The following ATAD2B variants were observed in gnomAD, a reference collection of about 807,000 sequenced individuals.
ATAD2B encodes ATPase family AAA domain-containing protein 2B.
ATAD2B carries 40 observed loss-of-function variants against 167.6 expected under a neutral mutation model. The ratio of observed to expected loss-of-function variants is 0.24; its 90% CI spans 0.19 to 0.31. The LOEUF is 0.31. Among genes scored for constraint, ATAD2B ranks in the 10% least tolerant of loss-of-function variants. The pLI is 1.00. For missense variants in ATAD2B, 1,242 were observed against 1,757.2 expected, an observed-to-expected ratio of 0.71 and a Z score of 5.24; for synonymous variants, 579 against 596.5, an observed-to-expected ratio of 0.97 and a Z score of 0.43.
At chr2:23,809,164 G>A (rs1045963807) in intron 18 of ATAD2B, 1 of 152,026 alleles carries the variant, frequency 6.6e-6, no homozygotes, top group South Asian at 2.1e-4. Flanking sequence ...CATACAACCT[G>A]CAGTAATTTT....
At chr2:23,701,790 TTGC>T in the ATAD2B span, among the ~76,000 whole-genome samples, 5 of 44,412 alleles carry the variant, frequency 1.1e-4, 1 homozygote, top group East Asian at 2.6e-3. Flanking sequence ...TGGCTTTTTT[TTGC>T]TTTTTTTTTT....
chr2:23,678,267 G>A, the ATAD2B span, among the ~76,000 whole-genome samples: 5 of 152,152 alleles, frequency 3.3e-5, no homozygotes, highest in Admixed American at 2.0e-4. Context: ...GCCACTTGCC[G>A]CTGCATCCAC....
chr2:23,685,573 C>T, the ATAD2B span: 5 of 152,444 alleles, frequency 3.3e-5, no homozygotes, highest in South Asian at 6.2e-4. Flanking sequence ...CCTCTCCGAT[C>T]CGGCCTTTCA....
chr2:23,703,675 C>A, the ATAD2B span: 13 of 1,501,016 alleles, frequency 8.7e-6, no homozygotes, highest in Middle Eastern at 1.7e-4. Context: ...AGAGGGAAGT[C>A]CAAGACAAGC....
the ATAD2B span, among the ~76,000 whole-genome samples, chr2:23,743,175 G>T: frequency 6.6e-6 from 1 of 152,086 alleles, no homozygotes; most frequent in Non-Finnish European, 1.5e-5. Flanking sequence ...CAAGACCTTG[G>T]TGTACACCAA....
At chr2:23,748,377 GTA>G (rs1553368560), downstream of ATAD2B, among the ~76,000 whole-genome samples, 6 of 152,064 alleles carry the variant, frequency 3.9e-5, no homozygotes, top group Non-Finnish European at 8.8e-5. Flanking sequence ...ATATGTTATC[GTA>G]TAGTCTTCCA....
chr2:23,918,923 CAG>C (rs1237808467), intron 1 of ATAD2B, among the ~76,000 whole-genome samples: 2 of 152,348 alleles, frequency 1.3e-5, no homozygotes, highest in African/African-American at 4.8e-5. Flanking sequence ...ACTTGCCTTG[CAG>C]AGTTGTTACA....
intron 13 of ATAD2B, chr2:23,856,518 T>C (rs763940438): frequency 1.3e-5 from 4 of 316,938 alleles, no homozygotes; most frequent in Non-Finnish European, 2.6e-5. Flanking sequence ...CACACACATA[T>C]ACATTAAGGA....
intron 16 of ATAD2B, among the ~76,000 whole-genome samples, chr2:23,822,917 CAAAA>C (rs33911389): frequency 1.5e-5 from 1 of 66,314 alleles, no homozygotes; most frequent in Non-Finnish European, 2.6e-5. Flanking sequence ...AACTCCATCT[CAAAA>C]AAAAAAAAAA....
At chr2:23,768,702 T>C (rs1677829002) in intron 22 of ATAD2B, among the ~76,000 whole-genome samples, 1 of 152,202 alleles carries the variant, frequency 6.6e-6, no homozygotes. Context: ...TCTCTTGCTA[T>C]AGATCAGTTT....
intron 23 of ATAD2B, among the ~76,000 whole-genome samples, chr2:23,764,615 G>A (rs979112409): frequency 5.9e-5 from 9 of 152,256 alleles, no homozygotes; most frequent in South Asian, 2.1e-4. Flanking sequence ...AGGAGGACAC[G>A]ATCAAAAAAC....
At chr2:23,807,651 C>A (rs940710147) in intron 18 of ATAD2B, among the ~76,000 whole-genome samples, 1 of 151,328 alleles carries the variant, frequency 6.6e-6, no homozygotes, top group Non-Finnish European at 1.5e-5. Context: ...ACCGTCTCTA[C>A]TAAAAATACA....
the ATAD2B span, chr2:23,688,883 A>T: frequency 6.6e-6 from 1 of 152,358 alleles, no homozygotes; most frequent in Non-Finnish European, 1.5e-5. Flanking sequence ...CCTGTGGAGG[A>T]CGCAGCCCTC....
intron 6 of ATAD2B, among the ~76,000 whole-genome samples, chr2:23,882,502 T>TAAAAAAAAAAAA (rs770725105): frequency 1.1e-5 from 1 of 92,234 alleles, no homozygotes; most frequent in African/African-American, 4.1e-5. Flanking sequence ...AGCCTCTATT[T>TAAAAAAAAAAAA]AAAAAAAAAA....
chr2:23,922,172 A>G (rs1704031952), intron 1 of ATAD2B, among the ~76,000 whole-genome samples: 1 of 152,234 alleles, frequency 6.6e-6, no homozygotes, highest in East Asian at 1.9e-4. Context: ...CTAGTGAAAA[A>G]GCCAGAAATA....
At chr2:23,917,380 T>C (rs1703192506) in intron 1 of ATAD2B, among the ~76,000 whole-genome samples, 1 of 152,224 alleles carries the variant, frequency 6.6e-6, no homozygotes, top group African/African-American at 2.4e-5. Flanking sequence ...CTAATGCAAA[T>C]CTTCACATAT....
chr2:23,703,333 C>T, the ATAD2B span: 918 of 1,541,000 alleles, frequency 6.0e-4, 5 homozygotes, highest in African/African-American at 4.5e-3. Context: ...TCCAGTCTTA[C>T]GTTCCTCAGA....
At position 23,812,600 on chromosome 2, in the gene ATAD2B, C is replaced by T. The variant is rs895236445; in HGVS notation, c.2268-2098G>A. 2.6e-5 allele frequency among the ~76,000 whole-genome samples: 4 copies of T among 152,084 alleles called. No homozygotes were observed. In the South Asian group the frequency reaches 6.2e-4, roughly 24 times the overall value. On this transcript the variant is annotated intron_variant, in intron 17 of 27. Coordinates refer to ENST00000238789, the MANE Select transcript of ATAD2B (RefSeq NM_017552.4). The stretch of plus-strand genomic sequence containing the variant: ...GCTACCAGCCGGGCACAGTGGCTCA[C>T]GCCTGTAATCCCAGCACTTTGGGAG...
the ATAD2B span, among the ~76,000 whole-genome samples, chr2:23,731,028 A>C: frequency 6.6e-6 from 1 of 152,004 alleles, no homozygotes; most frequent in African/African-American, 2.4e-5. Context: ...AGATTACTAG[A>C]GTTGTGTCAA....
Sources: allele counts gnomAD v4.1 joint callset (sites outside exome capture counted in the v4.1 genomes callset), GRCh38; gene constraint gnomAD v4.1.1; transcripts MANE v1.5; gene names NCBI Gene and HGNC (gene_info 2026-07-23, HGNC 2026-07-21).